Variants in ARID2 observed in about 807,000 individuals in gnomAD.
ARID2 encodes AT-rich interaction domain 2, also known as AT-rich interactive domain-containing protein 2.
In ARID2, 32 loss-of-function variants were observed where a neutral mutation model predicts 184.6. The observed-to-expected ratio is 0.17, with a 90% confidence interval of 0.13 to 0.23. The LOEUF (loss-of-function observed/expected upper bound fraction) is 0.23, where lower values mean the gene tolerates loss of function less well. Among genes scored for constraint, ARID2 ranks in the 10% least tolerant of loss-of-function variants. ARID2 has a pLI of 1.00. For missense variants in ARID2, 1,696 were observed against 2,197.6 expected (o/e 0.77, Z 4.56); for synonymous variants, 836 against 772.6 (o/e 1.08, Z -1.36).
intron 11 of ARID2, chr12:45,841,310 G>A (rs567065395): frequency 6.6e-6 from 1 of 152,278 alleles, no homozygotes; most frequent in Admixed American, 6.5e-5. Flanking sequence ...TTTGGCAAAT[G>A]AATGAATTTA....
chr12:45,788,446 A>G (rs1942235536), intron 3 of ARID2, among the ~76,000 whole-genome samples: 1 of 152,192 alleles, frequency 6.6e-6, no homozygotes, highest in African/African-American at 2.4e-5. Flanking sequence ...CTGTTTAAGC[A>G]TACTCTATGA....
rs1664863726 is a variant in ARID2, at chr12:45,905,363, A to G, written c.*285A>G. 1 of 302,064 alleles carries G rather than the reference A, an allele frequency of 3.3e-6. No individual in the cohort carries two copies. 18.7% of individuals were successfully genotyped at this position (302,064 alleles called of 1,614,324 possible). A position where few individuals can be genotyped will look rare whatever the true frequency, so the allele number is the denominator to read the frequency against. ...TCAGATCTGATAAATCCTGATGGAA[A>G]CTGGTATGATCAGAATTCAGTACCA... is the stretch of plus-strand genomic sequence containing the variant. On this transcript the variant is annotated 3_prime_UTR_variant, in exon 21 of 21. Transcript: ENST00000334344.
Position 45,837,305 on chromosome 12 carries a change from T to C in ARID2, c.1024-16T>C, listed in dbSNP as rs1309627296. 1 of 1,573,734 alleles carries C rather than the reference T, an allele frequency of 6.4e-7. No individual in the cohort carries two copies. Among genetic ancestry groups the C allele is most frequent in the East Asian group, 2.2e-5 (1 of 44,594 alleles). ...GAAGAAGCATAGCTCAATAATAGTG[T>C]TGTTTCTTTTTCCAGCTTTTACTGG... On this transcript the variant is annotated splice_polypyrimidine_tract_variant and intron_variant, in intron 8 of 20. Transcript: ENST00000334344.
intron 3 of ARID2, among the ~76,000 whole-genome samples, chr12:45,781,478 TTATC>T (rs1208486091): frequency 6.8e-6 from 1 of 147,860 alleles, no homozygotes; most frequent in East Asian, 2.0e-4. Context: ...AAAGGTCAGA[TTATC>T]ATTGGTCATT....
At chr12:45,876,754 A>G (rs1944016049) in intron 16 of ARID2, among the ~76,000 whole-genome samples, 1 of 150,906 alleles carries the variant, frequency 6.6e-6, no homozygotes, top group Non-Finnish European at 1.5e-5. Flanking sequence ...AATGGTGCTG[A>G]TAGTCTTGCT....
chr12:45,742,772 C>A (rs1389395486), intron 3 of ARID2, among the ~76,000 whole-genome samples: 1 of 152,090 alleles, frequency 6.6e-6, no homozygotes, highest in Non-Finnish European at 1.5e-5. Context: ...TTATGCAAAC[C>A]TATTTTCAGA....
At chr12:45,732,000 AT>A (rs1941013114) in intron 3 of ARID2, among the ~76,000 whole-genome samples, 1 of 151,500 alleles carries the variant, frequency 6.6e-6, no homozygotes, top group African/African-American at 2.4e-5. Context: ...TTGACTGCTT[AT>A]TCGGCAAAGT....
At chr12:45,767,112 G>A (rs1941786718) in intron 3 of ARID2, among the ~76,000 whole-genome samples, 1 of 152,156 alleles carries the variant, frequency 6.6e-6, no homozygotes, top group South Asian at 2.1e-4. Context: ...ATATCTTACT[G>A]TGGCTAGAAT....
At chr12:45,829,801 CT>C (rs774087811) in intron 6 of ARID2, among the ~76,000 whole-genome samples, 78 of 91,270 alleles carry the variant, frequency 8.5e-4, no homozygotes, top group Middle Eastern at 5.0e-3. Flanking sequence ...CTTTCTTCTT[CT>C]TTTTTTTTTT....
Position 45,907,478 on chromosome 12 carries a change from CT to C in ARID2, c.*2404del, listed in dbSNP as rs1367370579. ...TATAATATGTAAATATGACTGTAGC[CT>C]TTTAAGCTTCAGTCTCAGCAGAGAA... On this transcript the variant is annotated 3_prime_UTR_variant, in exon 21 of 21. Coordinates refer to ENST00000334344, the MANE Select transcript of ARID2 (RefSeq NM_152641.4). The C allele has an allele frequency of 4.3e-6, 1 of 233,154 alleles. No homozygotes were observed. The highest frequency in any genetic ancestry group is 8.5e-6 in the Non-Finnish European group (1 of 117,862). 14.4% of individuals were successfully genotyped at this position (233,154 alleles called of 1,614,324 possible).
chr12:45,787,272 C>T (rs915982169), intron 3 of ARID2, among the ~76,000 whole-genome samples: 3 of 150,518 alleles, frequency 2.0e-5, no homozygotes, highest in African/African-American at 7.3e-5. Flanking sequence ...GGCTGGAGCA[C>T]GGTGGCACAA....
intron 11 of ARID2, among the ~76,000 whole-genome samples, chr12:45,845,798 A>G (rs1392192437): frequency 6.6e-6 from 1 of 152,136 alleles, no homozygotes; most frequent in Non-Finnish European, 1.5e-5. Flanking sequence ...TTGCTAAAAT[A>G]TCATCTGAAA....
chr12:45,780,299 G>C (rs1039944614), intron 3 of ARID2, among the ~76,000 whole-genome samples: 1 of 152,128 alleles, frequency 6.6e-6, no homozygotes, highest in African/African-American at 2.4e-5. Flanking sequence ...TTAAAAACTT[G>C]GGATAAATGA....
chr12:45,877,142 A>G (rs1944023055), intron 16 of ARID2, among the ~76,000 whole-genome samples: 1 of 152,122 alleles, frequency 6.6e-6, no homozygotes, highest in South Asian at 2.1e-4. Context: ...GCAACATGCA[A>G]TAAAATGGGA....
intron 6 of ARID2, among the ~76,000 whole-genome samples, chr12:45,832,173 T>C (rs917011123): frequency 1.3e-5 from 2 of 152,322 alleles, no homozygotes; most frequent in South Asian, 4.1e-4. Context: ...AAGGATATTT[T>C]TGATGCATAT....
At chr12:45,861,700 T>C (rs1163552951) in intron 16 of ARID2, among the ~76,000 whole-genome samples, 1 of 150,398 alleles carries the variant, frequency 6.6e-6, no homozygotes, top group East Asian at 2.0e-4. Flanking sequence ...TTCTTTTGCC[T>C]CAGCTTCTTG....
rs1299369645 is a variant in ARID2, at chr12:45,855,113, A to G, written c.4773+2217A>G. Among the ~76,000 whole-genome samples the G allele has an allele frequency of 2.0e-5, 3 of 152,204 alleles. No individual in the cohort carries two copies. In the East Asian group the frequency reaches 5.8e-4, roughly 29 times the overall value. ...GAGCTGTTGTGTTAGAGGATGTTCTATTAAATGATCATTTTAGGACATTAT... is the reference window on the plus strand; with the variant it reads ...GAGCTGTTGTGTTAGAGGATGTTCTGTTAAATGATCATTTTAGGACATTAT... On this transcript the variant is annotated intron_variant, in intron 15 of 20. Transcript: ENST00000334344.
intron 3 of ARID2, among the ~76,000 whole-genome samples, chr12:45,786,477 T>A (rs1381830852): frequency 2.6e-5 from 4 of 152,336 alleles, no homozygotes. Context: ...GCTTTTCAGA[T>A]CTTTTATTCT....
intron 3 of ARID2, among the ~76,000 whole-genome samples, chr12:45,770,474 C>T (rs908245655): frequency 2.6e-5 from 4 of 152,164 alleles, no homozygotes; most frequent in Non-Finnish European, 5.9e-5. Flanking sequence ...AGGGGTGTCC[C>T]AGCTCACCTG....
Sources: gnomAD v4.1 joint callset for allele counts (sites outside exome capture counted in the v4.1 genomes callset) on GRCh38, gnomAD v4.1.1 for gene constraint, MANE v1.5 for transcripts, NCBI Gene and HGNC (gene_info 2026-07-23, HGNC 2026-07-21) for gene names.